Variants in AVEN observed in about 807,000 individuals in gnomAD.
AVEN encodes apoptosis and caspase activation inhibitor, also known as cell death regulator Aven.
Under a neutral mutation model 38.1 loss-of-function variants are expected in AVEN, and 41 were observed. The observed-to-expected ratio is 1.08, with a 90% CI of 0.84 to 1.40. The LOEUF (loss-of-function observed/expected upper bound fraction) is 1.40, where lower values mean the gene tolerates loss of function less well. Ranked by LOEUF, AVEN falls within the 40% of genes most tolerant of loss-of-function variation. AVEN has a pLI of 0.00. For synonymous variants in AVEN, 206 were observed against 171.8 expected, an observed-to-expected ratio of 1.20 and a Z score of -1.56; for missense variants, 605 against 438.8, an observed-to-expected ratio of 1.38 and a Z score of -3.38.
At chr15:33,852,281 G>C in the AVEN span, 1 of 152,218 alleles carries the variant, frequency 6.6e-6, no homozygotes, top group Non-Finnish European at 1.5e-5. Flanking sequence ...ATTCTGGATA[G>C]GAACAACATA....
At chr15:33,917,525 G>GTATATATA (rs34540122) in intron 2 of AVEN, among the ~76,000 whole-genome samples, 3 of 145,810 alleles carry the variant, frequency 2.1e-5, no homozygotes, top group African/African-American at 7.5e-5. Context: ...ACACATACGT[G>GTATATATA]TATATATATA....
intron 1 of AVEN, 33 bp downstream of exon 1, chr15:34,038,747 G>A: frequency 8.7e-7 from 1 of 1,147,922 alleles, no homozygotes. Flanking sequence ...CCAGTTACAC[G>A]CGGTCCCAGC....
At chr15:33,861,219 G>A (rs745623629) in intron 11 of AVEN, 37 of 1,449,390 alleles carry the variant, frequency 2.6e-5, no homozygotes, top group African/African-American at 1.3e-4. Context: ...CAGCTGTAGC[G>A]TAAATAAAGC....
chr15:34,036,359 A>G (rs1899125461), intron 1 of AVEN, among the ~76,000 whole-genome samples: 1 of 152,164 alleles, frequency 6.6e-6, no homozygotes, highest in Non-Finnish European at 1.5e-5. Flanking sequence ...TCCAAAATAG[A>G]AAGCAAAGGT....
chr15:33,929,924 C>A (rs753971345), intron 2 of AVEN, among the ~76,000 whole-genome samples: 1 of 152,110 alleles, frequency 6.6e-6, no homozygotes, highest in Non-Finnish European at 1.5e-5. Context: ...CTATGATAAC[C>A]GGCTGATGAA....
downstream of AVEN, among the ~76,000 whole-genome samples, chr15:33,863,902 A>ATAT (rs1231889141): frequency 1.3e-5 from 2 of 152,220 alleles, no homozygotes; most frequent in Non-Finnish European, 2.9e-5. Context: ...TACTTAGTTC[A>ATAT]AGGTATAGGG....
At chr15:33,894,829 C>A (rs9302284) in intron 2 of AVEN, among the ~76,000 whole-genome samples, 913 of 24,082 alleles carry the variant, frequency 0.038, 5 homozygotes, top group Non-Finnish European at 0.34. Flanking sequence ...AAAATAATAA[C>A]AATAATAATA....
intron 1 of AVEN, among the ~76,000 whole-genome samples, chr15:34,026,012 A>G (rs181875677): frequency 0.014 from 2,173 of 152,268 alleles, 49 homozygotes; most frequent in African/African-American, 0.048. Context: ...AAATTGGAAT[A>G]TATCTATGTT....
downstream of AVEN, chr15:33,856,501 G>A (rs1287359136): frequency 6.6e-6 from 1 of 152,212 alleles, no homozygotes; most frequent in Admixed American, 6.5e-5. Context: ...AAAGGGCCTG[G>A]GCAGAATTCT....
intron 2 of AVEN, among the ~76,000 whole-genome samples, chr15:33,988,931 C>G (rs1246179183): frequency 6.6e-6 from 1 of 152,186 alleles, no homozygotes; most frequent in Non-Finnish European, 1.5e-5. Context: ...TAATCTAAAT[C>G]CCCTGTATTT....
chr15:34,034,546 A>G (rs1209919858), intron 1 of AVEN, among the ~76,000 whole-genome samples: 1 of 152,188 alleles, frequency 6.6e-6, no homozygotes, highest in Non-Finnish European at 1.5e-5. Flanking sequence ...TATATTTTGA[A>G]ATTCTCTGAT....
Position 33,871,030 on chromosome 15 carries a change from T to G in AVEN, c.517A>C (p.Asn173His). Residue 173 changes from asparagine (N) to histidine (H), a missense_variant and splice_region_variant, in exon 4 of 6, where the codon AAT (asparagine) becomes CAT (histidine). Physicochemically the swap from Asn to His is moderately conservative, Grantham distance 68 (BLOSUM62 1). Coordinates refer to ENST00000306730, the MANE Select transcript of AVEN (RefSeq NM_020371.3). The stretch of plus-strand genomic sequence containing the variant: ...TCACTATCCACATAAAATGCTGAAT[T>G]CTATATATATATATAAAAGAAAATA... ...WDSEASCPKQ[N>H]SAFYVDSELL... The G allele has an allele frequency of 1.3e-6, 2 of 1,513,634 alleles. No individual in the cohort carries two copies. Among genetic ancestry groups the G allele is most frequent in the Non-Finnish European group, 1.8e-6 (2 of 1,123,220 alleles). 93.8% of individuals were successfully genotyped at this position (1,513,634 alleles called of 1,614,324 possible).
At chr15:33,858,155 A>G, downstream of AVEN, 1 of 504,724 alleles carries the variant, frequency 2.0e-6, no homozygotes, top group East Asian at 3.1e-5. Context: ...AAAGGGAAGC[A>G]CCCTGCACAG....
In AVEN at chr15:33,961,860, C is replaced by CTGA. The variant is rs572434553; in HGVS notation, c.445+41169_445+41171dup. ...AAAAGAAAACGAAGTGCCTGATCAT[C>CTGA]TGAGGAGAGTGTGTTCCTATGAACC... On this transcript the variant is annotated intron_variant, in intron 2 of 5. Transcript: ENST00000306730. Among the ~76,000 whole-genome samples, 152 of 147,536 alleles carry CTGA rather than the reference C, an allele frequency of 1.0e-3. 1 individual carries two copies. The highest frequency in any genetic ancestry group is 1.8e-3 in the Non-Finnish European group (124 of 67,112).
At chr15:33,898,748 C>A (rs976587826) in intron 2 of AVEN, among the ~76,000 whole-genome samples, 27 of 152,096 alleles carry the variant, frequency 1.8e-4, no homozygotes, top group Admixed American at 2.0e-4. Flanking sequence ...TAGGAGGGCA[C>A]AATTCAACCC....
chr15:33,861,294 C>G, downstream of AVEN: 1 of 663,100 alleles, frequency 1.5e-6, no homozygotes, highest in Non-Finnish European at 2.6e-6. Context: ...TTCCAGGAGT[C>G]CCCATGAGCC....
chr15:34,050,150 A>T (rs1426602795), intron 5 of AVEN, among the ~76,000 whole-genome samples: 2 of 152,062 alleles, frequency 1.3e-5, no homozygotes, highest in African/African-American at 2.4e-5. Context: ...GGCCTCCCAA[A>T]GTGCTGGGAT....
intron 2 of AVEN, among the ~76,000 whole-genome samples, chr15:33,946,533 G>A (rs1276763476): frequency 6.6e-6 from 1 of 152,158 alleles, no homozygotes; most frequent in Non-Finnish European, 1.5e-5. Flanking sequence ...TGCCCTCATG[G>A]AACTTACATT....
At chr15:33,948,784 T>C (rs969042098) in intron 2 of AVEN, among the ~76,000 whole-genome samples, 1 of 152,144 alleles carries the variant, frequency 6.6e-6, no homozygotes, top group African/African-American at 2.4e-5. Context: ...GTGATTCTCC[T>C]GTCTCAGCCT....
Sources: allele counts gnomAD v4.1 joint callset (sites outside exome capture counted in the v4.1 genomes callset), GRCh38; gene constraint gnomAD v4.1.1; transcripts MANE v1.5; gene names NCBI Gene and HGNC (gene_info 2026-07-23, HGNC 2026-07-21).